Variants in CADM2 observed in about 807,000 individuals in gnomAD.
The protein encoded by CADM2 is immunoglobulin superfamily member 4D.
Under a neutral mutation model 49.8 loss-of-function variants are expected in CADM2, and 12 were observed. The observed-to-expected ratio is 0.24, with a 90% CI of 0.15 to 0.39. The LOEUF is 0.39. Among genes scored for constraint, CADM2 ranks in the 10% least tolerant of loss-of-function variants. CADM2 has a pLI of 1.00. For synonymous variants in CADM2, 214 were observed against 175.4 expected, an observed-to-expected ratio of 1.22 and a Z score of -1.74; for missense variants, 378 against 492.3, an observed-to-expected ratio of 0.77 and a Z score of 2.20.
chr3:85,945,198 G>A (rs1030211860), intron 7 of CADM2, among the ~76,000 whole-genome samples: 7 of 151,930 alleles, frequency 4.6e-5, no homozygotes, highest in Admixed American at 1.3e-4. Flanking sequence ...TAAATTCCTC[G>A]ACACATACAC....
At chr3:85,868,457 G>A (rs1046631818) in intron 3 of CADM2, among the ~76,000 whole-genome samples, 3 of 152,008 alleles carry the variant, frequency 2.0e-5, no homozygotes, top group African/African-American at 7.2e-5. Context: ...ACCTATAATT[G>A]ACAGCCTGTT....
intron 1 of CADM2, among the ~76,000 whole-genome samples, chr3:85,007,198 C>G (rs149273103): frequency 6.6e-6 from 1 of 151,992 alleles, no homozygotes. Flanking sequence ...AAAAAATTCT[C>G]GAATCAGGTA....
chr3:85,185,706 A>G (rs1045904377), intron 1 of CADM2, among the ~76,000 whole-genome samples: 1 of 152,092 alleles, frequency 6.6e-6, no homozygotes, highest in Admixed American at 6.6e-5. Context: ...TTCCTCTACA[A>G]TGGAGCCTCT....
At chr3:84,977,535 A>G (rs551805759) in intron 1 of CADM2, among the ~76,000 whole-genome samples, 2 of 152,182 alleles carry the variant, frequency 1.3e-5, no homozygotes, top group East Asian at 3.9e-4. Flanking sequence ...CTTAAAATTA[A>G]TACTTGAGTC....
chr3:85,106,899 G>T (rs527544767), intron 1 of CADM2, among the ~76,000 whole-genome samples: 63 of 152,152 alleles, frequency 4.1e-4, no homozygotes, highest in African/African-American at 1.4e-3. Context: ...AGTGAGTTTG[G>T]GTAATTCTAT....
At chr3:85,209,414 T>A (rs1026990956) in intron 1 of CADM2, among the ~76,000 whole-genome samples, 1 of 152,148 alleles carries the variant, frequency 6.6e-6, no homozygotes, top group African/African-American at 2.4e-5. Flanking sequence ...TAAGTTGATT[T>A]CCCGAGATCA....
chr3:85,005,415 A>C (rs2107230596), intron 1 of CADM2, among the ~76,000 whole-genome samples: 1 of 152,314 alleles, frequency 6.6e-6, no homozygotes, highest in East Asian at 1.9e-4. Context: ...CACTACATTC[A>C]GTGGACAGAG....
At chr3:85,839,976 A>T (rs1245792858) in intron 3 of CADM2, among the ~76,000 whole-genome samples, 6 of 151,864 alleles carry the variant, frequency 4.0e-5, no homozygotes, top group Non-Finnish European at 8.8e-5. Flanking sequence ...CATTAACGAG[A>T]ATAAAGATTC....
intron 1 of CADM2, among the ~76,000 whole-genome samples, chr3:85,621,395 A>G (rs2063973127): frequency 6.6e-6 from 1 of 152,208 alleles, no homozygotes; most frequent in Non-Finnish European, 1.5e-5. Flanking sequence ...ATAATTCTAC[A>G]GACACGTCAT....
At chr3:85,173,593 G>A (rs574355766) in intron 1 of CADM2, among the ~76,000 whole-genome samples, 25 of 152,210 alleles carry the variant, frequency 1.6e-4, no homozygotes, top group African/African-American at 5.1e-4. Context: ...ACGTATACAA[G>A]TATATTTGGC....
intron 1 of CADM2, among the ~76,000 whole-genome samples, chr3:85,330,348 T>A (rs187336675): frequency 1.6e-3 from 243 of 151,158 alleles, no homozygotes; most frequent in Non-Finnish European, 2.7e-3. Flanking sequence ...AATATCACAC[T>A]TTTTTTCTAT....
intron 1 of CADM2, among the ~76,000 whole-genome samples, chr3:85,030,234 C>A (rs2034919949): frequency 6.6e-6 from 1 of 152,216 alleles, no homozygotes. Context: ...ATTCTAGTCA[C>A]ACAACCTTTC....
chr3:85,254,538 G>A (rs1559744830), intron 1 of CADM2, among the ~76,000 whole-genome samples: 1 of 151,994 alleles, frequency 6.6e-6, no homozygotes, highest in Non-Finnish European at 1.5e-5. Context: ...AGAGTCCTGA[G>A]TCACCAGGAA....
rs534988456 is a variant in CADM2, at chr3:85,549,780, T to C, written c.62-176742T>C. ...CTGGGATTACAGGCATGTGCCACCATGCTGGGCTATTTTTTTTTTTTTTGT... is the reference window on the plus strand; with the variant it reads ...CTGGGATTACAGGCATGTGCCACCACGCTGGGCTATTTTTTTTTTTTTTGT... On this transcript the variant is annotated intron_variant, in intron 1 of 9. Transcript: ENST00000383699. 1.5e-4 allele frequency among the ~76,000 whole-genome samples: 21 copies of C among 135,678 alleles called. No individual in the cohort carries two copies. In the South Asian group the frequency reaches 4.8e-3, roughly 31 times the overall value. 89.0% of individuals were successfully genotyped at this position (135,678 alleles called of 152,430 possible). A position where few individuals can be genotyped will look rare whatever the true frequency, so the allele number is the denominator to read the frequency against.
chr3:85,507,161 T>C (rs572775867), intron 1 of CADM2, among the ~76,000 whole-genome samples: 1 of 151,898 alleles, frequency 6.6e-6, no homozygotes, highest in African/African-American at 2.4e-5. Flanking sequence ...TAAGAAAGGT[T>C]TTTGCCCTGT....
chr3:85,445,326 T>A (rs2037395903), intron 1 of CADM2, among the ~76,000 whole-genome samples: 1 of 152,078 alleles, frequency 6.6e-6, no homozygotes, highest in Non-Finnish European at 1.5e-5. Context: ...CAGTACATAG[T>A]CATGAACGTG....
At chr3:85,640,232 T>C (rs1335401796) in intron 1 of CADM2, among the ~76,000 whole-genome samples, 1 of 152,162 alleles carries the variant, frequency 6.6e-6, no homozygotes, top group Non-Finnish European at 1.5e-5. Flanking sequence ...CTCTGCACAT[T>C]TCAAATCTCG....
intron 1 of CADM2, among the ~76,000 whole-genome samples, chr3:85,233,739 G>C (rs114264296): frequency 0.035 from 5,392 of 152,048 alleles, 121 homozygotes; most frequent in Middle Eastern, 0.058. Flanking sequence ...CAATGGTTTA[G>C]AAAGATTCTT....
intron 1 of CADM2, among the ~76,000 whole-genome samples, chr3:85,118,675 A>G (rs1047433437): frequency 7.9e-5 from 12 of 152,230 alleles, no homozygotes; most frequent in African/African-American, 2.7e-4. Flanking sequence ...GGGTGAGGAC[A>G]CAGCCAAACC....
Sources: allele counts gnomAD v4.1 joint callset (sites outside exome capture counted in the v4.1 genomes callset), GRCh38; gene constraint gnomAD v4.1.1; transcripts MANE v1.5; gene names NCBI Gene and HGNC (gene_info 2026-07-23, HGNC 2026-07-21).